The following SGCG variants were observed in gnomAD, a reference collection of about 807,000 sequenced individuals.
SGCG encodes the protein gamma-sarcoglycan.
Under a neutral mutation model 29.3 loss-of-function variants are expected in SGCG, and 26 were observed. That is an observed-to-expected ratio of 0.89 (90% CI 0.65 to 1.23). The LOEUF (loss-of-function observed/expected upper bound fraction) is 1.23, where lower values mean the gene tolerates loss of function less well. Among genes scored for constraint, SGCG ranks in the 50% most tolerant of loss-of-function variants. The pLI, the probability that SGCG is intolerant of heterozygous loss-of-function variation, is 0.00. For synonymous variants in SGCG, 145 were observed against 129.7 expected (o/e 1.12, Z -0.80); for missense variants, 353 against 356.0 (o/e 0.99, Z 0.07).
At chr13:23,311,914 A>T (rs902494684) in intron 6 of SGCG, among the ~76,000 whole-genome samples, 1 of 151,682 alleles carries the variant, frequency 6.6e-6, no homozygotes, top group Non-Finnish European at 1.5e-5. Context: ...ACTCCTTTCA[A>T]CTTTTCTCCT....
At chr13:23,271,547 G>A (rs1298277476) in intron 4 of SGCG, among the ~76,000 whole-genome samples, 2 of 152,202 alleles carry the variant, frequency 1.3e-5, no homozygotes, top group African/African-American at 2.4e-5. Flanking sequence ...TAGTCTGTTC[G>A]TGTTTCCATG....
chr13:23,278,651 T>G lies in SGCG; in HGVS notation c.386-708T>G, dbSNP rs148213212. Among the ~76,000 whole-genome samples, 582 of 152,188 alleles carry G rather than the reference T, an allele frequency of 3.8e-3. 4 individuals are homozygous for G. Among genetic ancestry groups the G allele is most frequent in the African/African-American group, 0.013 (547 of 41,524 alleles). On this transcript the variant is annotated intron_variant, in intron 4 of 7. Transcript: ENST00000218867. ...AGCTGAGTGAGTGGGAGGTGTGACC[T>G]CACCCTCACATGTCTGGATGGCACA...
intron 2 of SGCG, among the ~76,000 whole-genome samples, chr13:23,215,666 C>CTT (rs928739916): frequency 2.0e-5 from 3 of 152,030 alleles, no homozygotes; most frequent in Non-Finnish European, 4.4e-5. Context: ...ACCTGCTACC[C>CTT]TGTTAAACTT....
chr13:23,234,546 T>C (rs568617993), intron 2 of SGCG, 65 bp from the exon 3 acceptor site: 3 of 1,070,066 alleles, frequency 2.8e-6, no homozygotes, highest in Admixed American at 1.7e-5. Flanking sequence ...TTTAAGTCAA[T>C]ATTAAGAGGA....
chr13:23,299,339 T>G (rs1882028980), intron 6 of SGCG, among the ~76,000 whole-genome samples: 1 of 148,028 alleles, frequency 6.8e-6, no homozygotes, highest in Non-Finnish European at 1.5e-5. Flanking sequence ...ACTTTTTATT[T>G]CTGGTTCCAG....
chr13:23,195,194 G>A (rs1877439149), intron 1 of SGCG, among the ~76,000 whole-genome samples: 1 of 152,114 alleles, frequency 6.6e-6, no homozygotes, highest in African/African-American at 2.4e-5. Flanking sequence ...TTGCTAACTT[G>A]TTAATGTTTC....
chr13:23,218,014 A>G (rs1878497541), intron 2 of SGCG, among the ~76,000 whole-genome samples: 1 of 152,184 alleles, frequency 6.6e-6, no homozygotes, highest in African/African-American at 2.4e-5. Flanking sequence ...AGTATGTCTG[A>G]TATCACTACT....
intron 7 of SGCG, 57 bp from the exon 8 acceptor site, chr13:23,324,311 G>A (rs1347382917): frequency 1.3e-6 from 2 of 1,512,758 alleles, no homozygotes; most frequent in East Asian, 4.5e-5. Flanking sequence ...ATGGGGATTT[G>A]CTGCTGACCA....
chr13:23,256,591 A>G (rs1880188626), intron 4 of SGCG, among the ~76,000 whole-genome samples: 1 of 149,656 alleles, frequency 6.7e-6, no homozygotes, highest in Admixed American at 6.7e-5. Flanking sequence ...AAGGGTTCTC[A>G]TTGTTCAATT....
chr13:23,296,548 A>G (rs1262406841), intron 6 of SGCG, among the ~76,000 whole-genome samples: 1 of 151,976 alleles, frequency 6.6e-6, no homozygotes, highest in Non-Finnish European at 1.5e-5. Context: ...TTTATCTCGC[A>G]AAACTGAAAC....
chr13:23,259,156 G>A (rs1880322815), intron 4 of SGCG, among the ~76,000 whole-genome samples: 1 of 152,180 alleles, frequency 6.6e-6, no homozygotes, highest in African/African-American at 2.4e-5. Flanking sequence ...GAATTTGGCT[G>A]TAAATCCGTC....
intron 6 of SGCG, among the ~76,000 whole-genome samples, chr13:23,299,602 G>T (rs1193483847): frequency 6.6e-6 from 1 of 150,646 alleles, no homozygotes; most frequent in African/African-American, 2.4e-5. Context: ...ACAGGTGCCT[G>T]CCACCATGCC....
At chr13:23,212,440 G>A (rs1026278822) in intron 2 of SGCG, among the ~76,000 whole-genome samples, 4 of 151,522 alleles carry the variant, frequency 2.6e-5, no homozygotes, top group African/African-American at 9.7e-5. Flanking sequence ...CATGTCAGTT[G>A]AGCCTGGTAG....
chr13:23,253,088 C>CT (rs971776199), intron 4 of SGCG, among the ~76,000 whole-genome samples: 36 of 151,222 alleles, frequency 2.4e-4, no homozygotes, highest in African/African-American at 5.6e-4. Context: ...TTTAGTTTTT[C>CT]TTTTTTTAAA....
chr13:23,312,553 A>G (rs1882641690), intron 6 of SGCG, among the ~76,000 whole-genome samples: 1 of 152,204 alleles, frequency 6.6e-6, no homozygotes, highest in Admixed American at 6.5e-5. Flanking sequence ...GATGGAAACT[A>G]AGTGATGTGT....
intron 5 of SGCG, among the ~76,000 whole-genome samples, chr13:23,293,157 C>T (rs575714544): frequency 5.3e-5 from 8 of 152,116 alleles, no homozygotes; most frequent in Non-Finnish European, 8.8e-5. Flanking sequence ...TTTAGGTTTG[C>T]TTAAGTGGTA....
chr13:23,251,250 C>G (rs1311311774), intron 4 of SGCG, among the ~76,000 whole-genome samples: 12 of 152,180 alleles, frequency 7.9e-5, no homozygotes, highest in Admixed American at 7.9e-4. Flanking sequence ...TTATCAACAT[C>G]AAACAGTTTA....
chr13:23,299,546 A>G (rs1333474847), intron 6 of SGCG, among the ~76,000 whole-genome samples: 1 of 144,384 alleles, frequency 6.9e-6, no homozygotes, highest in Non-Finnish European at 1.5e-5. Flanking sequence ...TCCACCTCCC[A>G]GGTTCACACC....
chr13:23,169,481 C>T, the SGCG span, among the ~76,000 whole-genome samples: 4 of 151,756 alleles, frequency 2.6e-5, no homozygotes, highest in East Asian at 1.9e-4. Context: ...GAGATCGAGA[C>T]CATTCTGGCC....
Sources: gnomAD v4.1 joint callset for allele counts (sites outside exome capture counted in the v4.1 genomes callset) on GRCh38, gnomAD v4.1.1 for gene constraint, MANE v1.5 for transcripts, NCBI Gene and HGNC (gene_info 2026-07-23, HGNC 2026-07-21) for gene names.